Variants in KCTD20 observed in about 807,000 individuals in gnomAD.
KCTD20 encodes BTB/POZ domain-containing protein KCTD20.
KCTD20 carries 30 observed loss-of-function variants against 39.6 expected under a neutral mutation model. The ratio of observed to expected loss-of-function variants is 0.76; its 90% CI spans 0.57 to 1.03. The LOEUF (loss-of-function observed/expected upper bound fraction) is 1.03. KCTD20 is among the 50% of genes least tolerant of loss of function. The probability of loss-of-function intolerance (pLI) is 0.00; values close to 1 mark genes in which losing one functional copy is unlikely to be tolerated. For missense variants in KCTD20, 422 were observed against 522.0 expected (o/e 0.81, Z 1.87); for synonymous variants, 162 against 180.6 (o/e 0.90, Z 0.83).
chr6:36,455,594 A>AGTGTGTGTGTGTGTGTGT (rs71737281), intron 1 of KCTD20, among the ~76,000 whole-genome samples: 2 of 150,370 alleles, frequency 1.3e-5, no homozygotes, highest in African/African-American at 2.4e-5. Context: ...TAGAACCAGT[A>AGTGTGTGTGTGTGTGTGT]GTGTGTGTGT....
chr6:36,481,843 A>G (rs1776260953), intron 6 of KCTD20, 84 bp downstream of exon 6: 1 of 1,165,840 alleles, frequency 8.6e-7, no homozygotes, highest in South Asian at 1.3e-5. Flanking sequence ...ACCAATGTGA[A>G]TATCAATGTT....
chr6:36,474,351 G>A (rs1424219759), intron 2 of KCTD20, among the ~76,000 whole-genome samples: 3 of 151,802 alleles, frequency 2.0e-5, no homozygotes, highest in Non-Finnish European at 2.9e-5. Context: ...AATAAAACAC[G>A]GGAAATATAA....
At chr6:36,463,018 G>A (rs921071742) in intron 1 of KCTD20, among the ~76,000 whole-genome samples, 1 of 152,178 alleles carries the variant, frequency 6.6e-6, no homozygotes, top group African/African-American at 2.4e-5. Context: ...TATCTAAGCT[G>A]TGCTTTATAC....
Position 36,487,206 on chromosome 6 carries a change from C to G in KCTD20, c.*31C>G. 6.3e-7 allele frequency: 1 copy of G among 1,585,562 alleles called. No individual in the cohort carries two copies. The highest frequency in any genetic ancestry group is 1.2e-5 in the South Asian group (1 of 86,422). ...GCTGTGGGTCTACTCCTTGTTGGAG[C>G]CCATCTCACCTGGGATGCCTGCAGC... On this transcript the variant is annotated 3_prime_UTR_variant, in exon 8 of 8. Coordinates refer to ENST00000373731, the MANE Select transcript of KCTD20 (RefSeq NM_173562.5).
intron 1 of KCTD20, among the ~76,000 whole-genome samples, chr6:36,455,728 A>T (rs892403101): frequency 2.6e-5 from 4 of 152,188 alleles, no homozygotes; most frequent in Non-Finnish European, 5.9e-5. Flanking sequence ...GCCAGGAGGG[A>T]CAGGCAGGAC....
intron 2 of KCTD20, among the ~76,000 whole-genome samples, chr6:36,472,738 G>T (rs1224725518): frequency 1.3e-5 from 2 of 151,936 alleles, no homozygotes; most frequent in African/African-American, 4.8e-5. Flanking sequence ...ATCACTTTGG[G>T]GAGCCAAGGT....
intron 1 of KCTD20, among the ~76,000 whole-genome samples, chr6:36,449,165 C>T (rs1775152502): frequency 6.6e-6 from 1 of 152,198 alleles, no homozygotes; most frequent in Admixed American, 6.5e-5. Flanking sequence ...CATTTAGTCC[C>T]TTATTTGGCC....
chr6:36,458,809 A>C (rs542557240), intron 1 of KCTD20, among the ~76,000 whole-genome samples: 1 of 151,754 alleles, frequency 6.6e-6, no homozygotes, highest in East Asian at 2.0e-4. Context: ...TGGGCAACAT[A>C]GTGAGACCCT....
intron 1 of KCTD20, among the ~76,000 whole-genome samples, chr6:36,462,413 A>C (rs1048335393): frequency 1.3e-5 from 2 of 152,210 alleles, no homozygotes; most frequent in Non-Finnish European, 2.9e-5. Flanking sequence ...TCAGCTTCTC[A>C]TCTATGAAAT....
At chr6:36,480,106 T>C (rs1776198959) in intron 5 of KCTD20, among the ~76,000 whole-genome samples, 1 of 152,190 alleles carries the variant, frequency 6.6e-6, no homozygotes, top group African/African-American at 2.4e-5. Context: ...TATTTTCTAT[T>C]ACTAAACAGA....
At chr6:36,457,921 T>C (rs1582317946) in intron 1 of KCTD20, among the ~76,000 whole-genome samples, 1 of 152,144 alleles carries the variant, frequency 6.6e-6, no homozygotes, top group Non-Finnish European at 1.5e-5. Context: ...TAGAGGTGTT[T>C]TGTAGTCTTG....
rs115761630 is a variant in KCTD20, at chr6:36,447,524, G to A, written c.-47+4413G>A. On this transcript the variant is annotated intron_variant, in intron 1 of 7. Coordinates refer to ENST00000373731, the MANE Select transcript of KCTD20 (RefSeq NM_173562.5). Reference sequence around the variant, plus strand: ...ATGCGACTGTAAGCCCAGTTACTGGGGAGGTTGAGGCATAAGCATTGCTTG... The same window carrying A: ...ATGCGACTGTAAGCCCAGTTACTGGAGAGGTTGAGGCATAAGCATTGCTTG... Among the ~76,000 whole-genome samples the A allele has an allele frequency of 6.5e-3, 985 of 152,140 alleles. 8 individuals are homozygous for A. The highest frequency in any genetic ancestry group is 0.021 in the African/African-American group (865 of 41,486).
Position 36,475,046 on chromosome 6 carries a change from G to T in KCTD20, c.418G>T (p.Asp140Tyr), listed in dbSNP as rs1308529544. Residue 140 changes from aspartate to tyrosine, a missense_variant, in exon 3 of 8, where the codon GAT becomes TAT. Coordinates refer to ENST00000373731, the MANE Select transcript of KCTD20 (RefSeq NM_173562.5). ...TCCACAGATTTTCACTGCTCATCCG[G>T]ATACCATGCTGGGAAGGTAACTGAT... is the stretch of plus-strand genomic sequence containing the variant. ...VNPQIFTAHP[D>Y]TMLGRMFGPG... 2 of 1,613,672 alleles carry T rather than the reference G, an allele frequency of 1.2e-6. No individual in the cohort carries two copies. The highest frequency in any genetic ancestry group is 1.3e-5 in the African/African-American group (1 of 74,890).
At chr6:36,465,168 T>C (rs1399118292) in intron 1 of KCTD20, among the ~76,000 whole-genome samples, 2 of 151,968 alleles carry the variant, frequency 1.3e-5, no homozygotes, top group African/African-American at 2.4e-5. Context: ...TGATGGTGCA[T>C]GCCTGTAATC....
chr6:36,465,043 A>T (rs997446683), intron 1 of KCTD20, among the ~76,000 whole-genome samples: 1 of 152,150 alleles, frequency 6.6e-6, no homozygotes. Flanking sequence ...CACGCCTGTA[A>T]TCCCAGCACT....
chr6:36,445,982 G>C (rs1315381145), intron 1 of KCTD20, among the ~76,000 whole-genome samples: 1 of 150,948 alleles, frequency 6.6e-6, no homozygotes, highest in Non-Finnish European at 1.5e-5. Context: ...ATAAGAGCAA[G>C]AGATAGCTAT....
chr6:36,470,773 TA>T (rs1775888401), intron 2 of KCTD20, among the ~76,000 whole-genome samples: 1 of 152,152 alleles, frequency 6.6e-6, no homozygotes, highest in Non-Finnish European at 1.5e-5. Context: ...GCTAACTTTT[TA>T]TATTTTTGGT....
intron 2 of KCTD20, among the ~76,000 whole-genome samples, chr6:36,474,077 GTT>G (rs955380546): frequency 6.6e-6 from 1 of 151,926 alleles, no homozygotes; most frequent in African/African-American, 2.4e-5. Context: ...TTTTGTTTTT[GTT>G]TTGTTTTGTT....
chr6:36,486,873 T>C lies in KCTD20; in HGVS notation c.968-10T>C. 1 of 1,607,072 alleles carries C rather than the reference T, an allele frequency of 6.2e-7. No homozygotes were observed. Among genetic ancestry groups the C allele is most frequent in the Non-Finnish European group, 8.5e-7 (1 of 1,176,368 alleles). Reference sequence around the variant, plus strand: ...TTGTTAGTCATGAGAATGGCCTTTTTCCATTGCAGGTTACCCTACCTGTAA... The same window carrying C: ...TTGTTAGTCATGAGAATGGCCTTTTCCCATTGCAGGTTACCCTACCTGTAA... On this transcript the variant is annotated splice_polypyrimidine_tract_variant and intron_variant, in intron 7 of 7. Coordinates refer to ENST00000373731, the MANE Select transcript of KCTD20 (RefSeq NM_173562.5).
Sources: allele counts gnomAD v4.1 joint callset (sites outside exome capture counted in the v4.1 genomes callset), GRCh38; gene constraint gnomAD v4.1.1; transcripts MANE v1.5; gene names NCBI Gene and HGNC (gene_info 2026-07-23, HGNC 2026-07-21).